Variants in SLC44A1 observed in about 807,000 individuals in gnomAD.
The protein encoded by SLC44A1 is solute carrier family 44 member 1.
In SLC44A1, 26 loss-of-function variants were observed where a neutral mutation model predicts 79.3. The ratio of observed to expected loss-of-function variants is 0.33; its 90% CI spans 0.24 to 0.46. SLC44A1 has a LOEUF of 0.46. Ranked by LOEUF, SLC44A1 falls within the 20% of genes least tolerant of loss-of-function variation. The pLI is 1.00. For synonymous variants in SLC44A1, 263 were observed against 286.2 expected, an observed-to-expected ratio of 0.92 and a Z score of 0.82; for missense variants, 688 against 798.1, an observed-to-expected ratio of 0.86 and a Z score of 1.66.
At chr9:105,316,578 G>A (rs958646712) in intron 3 of SLC44A1, among the ~76,000 whole-genome samples, 5 of 152,022 alleles carry the variant, frequency 3.3e-5, no homozygotes, top group African/African-American at 7.2e-5. Flanking sequence ...CATTACTTGG[G>A]TAATGGAAAA....
chr9:105,297,520 A>G (rs954370351), intron 1 of SLC44A1, among the ~76,000 whole-genome samples: 1 of 152,046 alleles, frequency 6.6e-6, no homozygotes, highest in Non-Finnish European at 1.5e-5. Flanking sequence ...AGTAGCTGGG[A>G]TTACTGGCAT....
chr9:105,405,320 A>T (rs75299835), intron 15 of SLC44A1, among the ~76,000 whole-genome samples: 7 of 140,660 alleles, frequency 5.0e-5, no homozygotes, highest in South Asian at 2.3e-4. Flanking sequence ...GACTCCATTT[A>T]AAAAAAAAAA....
intron 1 of SLC44A1, among the ~76,000 whole-genome samples, chr9:105,279,805 G>A (rs327949): frequency 0.23 from 34,677 of 152,010 alleles, 7,243 homozygotes; most frequent in African/African-American, 0.56. Context: ...AATGATCTGA[G>A]AGGAGATAAA....
chr9:105,271,054 G>T (rs1025995117), intron 1 of SLC44A1, among the ~76,000 whole-genome samples: 1 of 152,196 alleles, frequency 6.6e-6, no homozygotes, highest in Non-Finnish European at 1.5e-5. Context: ...GTAATCAGTG[G>T]TTAACTTTCA....
At chr9:105,311,956 T>C (rs1173603210) in intron 3 of SLC44A1, among the ~76,000 whole-genome samples, 1 of 152,206 alleles carries the variant, frequency 6.6e-6, no homozygotes, top group African/African-American at 2.4e-5. Context: ...TCCTTTACAC[T>C]TATTTCCTCG....
chr9:105,299,151 G>A (rs1238378093), intron 1 of SLC44A1, 69 bp from the exon 2 acceptor site: 8 of 1,082,180 alleles, frequency 7.4e-6, no homozygotes, highest in Non-Finnish European at 8.2e-6. Context: ...TATAGCTGGT[G>A]TATTTGTGCC....
downstream of SLC44A1, among the ~76,000 whole-genome samples, chr9:105,399,830 C>T (rs1355185945): frequency 6.6e-6 from 1 of 152,134 alleles, no homozygotes; most frequent in African/African-American, 2.4e-5. Flanking sequence ...AGTAGGTGCT[C>T]TCTCAGTCCT....
intron 1 of SLC44A1, among the ~76,000 whole-genome samples, chr9:105,272,929 G>A (rs1483389771): frequency 6.6e-6 from 1 of 151,504 alleles, no homozygotes; most frequent in African/African-American, 2.4e-5. Flanking sequence ...TAAGTATAAT[G>A]TTAAAATAAT....
intron 1 of SLC44A1, among the ~76,000 whole-genome samples, chr9:105,297,751 A>G (rs1486070196): frequency 6.6e-6 from 1 of 152,164 alleles, no homozygotes; most frequent in Non-Finnish European, 1.5e-5. Flanking sequence ...GTTCAACACT[A>G]TGGTTTTAGA....
rs745925602 is a variant in SLC44A1 at position 105,361,272 on chromosome 9, T to C, written c.842T>C (p.Ile281Thr). ...KETVTPEQLQIAEDNLRALLI... is the reference protein window; with the variant it reads ...KETVTPEQLQTAEDNLRALLI... ...ACTGTTACTCCTGAGCAGCTTCAGATAGCTGAAGACAATCTTCGGGCCCTC... is the reference window on the plus strand; with the variant it reads ...ACTGTTACTCCTGAGCAGCTTCAGACAGCTGAAGACAATCTTCGGGCCCTC... The change falls in exon 8 of 16, where the codon ATA (isoleucine) becomes ACA (threonine). Residue 281 changes from isoleucine (I) to threonine (T), a missense_variant. Coordinates refer to ENST00000374720, the MANE Select transcript of SLC44A1 (RefSeq NM_080546.5). The C allele has an allele frequency of 1.9e-6, 3 of 1,613,934 alleles. No individual in the cohort carries two copies. The highest frequency in any genetic ancestry group is 8.5e-7 in the Non-Finnish European group (1 of 1,179,842).
intron 15 of SLC44A1, among the ~76,000 whole-genome samples, chr9:105,413,030 G>A (rs1212000722): frequency 6.6e-6 from 1 of 152,176 alleles, no homozygotes; most frequent in Non-Finnish European, 1.5e-5. Flanking sequence ...AAAGGGAAAA[G>A]CAATGATTAC....
At chr9:105,261,711 C>T (rs1829842275) in intron 1 of SLC44A1, among the ~76,000 whole-genome samples, 1 of 150,988 alleles carries the variant, frequency 6.6e-6, no homozygotes, top group African/African-American at 2.4e-5. Context: ...AAGGGAGATG[C>T]TACGGAGGGG....
intron 4 of SLC44A1, among the ~76,000 whole-genome samples, chr9:105,336,890 A>G (rs547362920): frequency 1.3e-5 from 2 of 152,270 alleles, no homozygotes; most frequent in South Asian, 2.1e-4. Context: ...ATGAGGGTAA[A>G]GGGTAAAAGT....
chr9:105,311,171 TG>T (rs376325273), intron 3 of SLC44A1, among the ~76,000 whole-genome samples: 41 of 152,354 alleles, frequency 2.7e-4, no homozygotes, highest in African/African-American at 9.4e-4. Context: ...TGTTATTTCT[TG>T]TAGCAAGACT....
intron 1 of SLC44A1, among the ~76,000 whole-genome samples, chr9:105,278,784 G>A (rs1001639560): frequency 6.6e-6 from 1 of 152,214 alleles, no homozygotes; most frequent in African/African-American, 2.4e-5. Flanking sequence ...ATATGCTAAA[G>A]TAAGTCACTT....
intron 15 of SLC44A1, among the ~76,000 whole-genome samples, chr9:105,411,484 G>A (rs138033358): frequency 4.8e-4 from 62 of 129,516 alleles, no homozygotes; most frequent in Admixed American, 1.5e-3. Context: ...GTGTGTGTGC[G>A]TGTGCATTTT....
intron 3 of SLC44A1, among the ~76,000 whole-genome samples, chr9:105,310,525 C>A (rs770900785): frequency 6.6e-6 from 1 of 152,060 alleles, no homozygotes; most frequent in Non-Finnish European, 1.5e-5. Flanking sequence ...TATATTTATG[C>A]CCCATGAAAC....
At chr9:105,256,630 T>C (rs931422526) in intron 1 of SLC44A1, among the ~76,000 whole-genome samples, 1 of 151,272 alleles carries the variant, frequency 6.6e-6, no homozygotes, top group Non-Finnish European at 1.5e-5. Context: ...TGGTGAGATC[T>C]CAGCTCACTG....
Position 105,390,106 on chromosome 9 carries a change from C to A in SLC44A1, c.*1050C>A. Reference sequence around the variant, plus strand: ...GGCAATTCATTGAGTATCCAGAGTTCTACGATGTTTAACTGAAGAATTGGC... The same window carrying A: ...GGCAATTCATTGAGTATCCAGAGTTATACGATGTTTAACTGAAGAATTGGC... On this transcript the variant is annotated 3_prime_UTR_variant, in exon 16 of 16. Coordinates refer to ENST00000374720, the MANE Select transcript of SLC44A1 (RefSeq NM_080546.5). 1 of 1,257,106 alleles carries A rather than the reference C, an allele frequency of 8.0e-7. No individual in the cohort carries two copies. Among genetic ancestry groups the A allele is most frequent in the Non-Finnish European group, 1.0e-6 (1 of 994,166 alleles). 77.9% of individuals were successfully genotyped at this position (1,257,106 alleles called of 1,614,324 possible).
Sources: gnomAD v4.1 joint callset for allele counts (sites outside exome capture counted in the v4.1 genomes callset) on GRCh38, gnomAD v4.1.1 for gene constraint, MANE v1.5 for transcripts, NCBI Gene and HGNC (gene_info 2026-07-23, HGNC 2026-07-21) for gene names.